The following HS6ST3 variants were observed in gnomAD, a reference collection of about 807,000 sequenced individuals.
The protein encoded by HS6ST3 is heparan sulfate 6-O-sulfotransferase 3.
HS6ST3 carries 12 observed loss-of-function variants against 36.7 expected under a neutral mutation model. That is an observed-to-expected ratio of 0.33 (90% CI 0.21 to 0.53). HS6ST3 has a LOEUF of 0.53. Among genes scored for constraint, HS6ST3 ranks in the 20% least tolerant of loss-of-function variants. HS6ST3 has a pLI of 0.95. For synonymous variants in HS6ST3, 240 were observed against 257.5 expected (o/e 0.93, Z 0.65); for missense variants, 584 against 640.9 (o/e 0.91, Z 0.96).
intron 1 of HS6ST3, among the ~76,000 whole-genome samples, chr13:96,709,272 A>G (rs960164943): frequency 6.6e-6 from 1 of 152,180 alleles, no homozygotes; most frequent in African/African-American, 2.4e-5. Context: ...CTGTGAGTCA[A>G]TTACACCTCT....
chr13:96,832,516 G>A lies in HS6ST3; in HGVS notation c.734G>A (p.Arg245Gln). The A allele has an allele frequency of 5.0e-6, 8 of 1,586,964 alleles. No individual in the cohort carries two copies. Among genetic ancestry groups the A allele is most frequent in the Non-Finnish European group, 6.8e-6 (8 of 1,168,056 alleles). The change falls in exon 2 of 2, where the codon CGG becomes CAG. Residue 245 changes from arginine (R) to glutamine (Q), a missense_variant. By Grantham distance (43) the Arg-to-Gln change is conservative (BLOSUM62 1). This residue lies in a region of HS6ST3 where 360 missense variants were observed against 411.3 expected (regional missense o/e 0.88). Coordinates refer to ENST00000376705, the MANE Select transcript of HS6ST3 (RefSeq NM_153456.4). ...TRNFYYITML[R>Q]DPVSRYLSEW... is the part of the protein sequence containing the mutation. ...AATTTCTATTACATCACAATGTTAC[G>A]GGATCCAGTGTCACGTTACCTGAGC...
At chr13:96,493,676 G>A (rs2055958126) in intron 1 of HS6ST3, among the ~76,000 whole-genome samples, 2 of 152,116 alleles carry the variant, frequency 1.3e-5, no homozygotes, top group East Asian at 1.9e-4. Context: ...AATATTAAAT[G>A]TGTTGTAGTA....
intron 1 of HS6ST3, among the ~76,000 whole-genome samples, chr13:96,174,240 T>G (rs1438362173): frequency 1.3e-5 from 2 of 152,140 alleles, no homozygotes; most frequent in African/African-American, 4.8e-5. Context: ...AGGCAATCAC[T>G]TCCAGATTTT....
chr13:96,251,364 T>C (rs1047912011), intron 1 of HS6ST3, among the ~76,000 whole-genome samples: 18 of 152,166 alleles, frequency 1.2e-4, no homozygotes, highest in Non-Finnish European at 2.2e-4. Flanking sequence ...GGTTATCCAA[T>C]TTGTATATGT....
intron 1 of HS6ST3, among the ~76,000 whole-genome samples, chr13:96,650,142 A>G (rs2056602546): frequency 6.6e-6 from 1 of 151,918 alleles, no homozygotes; most frequent in Non-Finnish European, 1.5e-5. Flanking sequence ...CTGATCCCCC[A>G]TACCCTGCTC....
chr13:96,592,575 C>T (rs1056248285), intron 1 of HS6ST3, among the ~76,000 whole-genome samples: 1 of 152,106 alleles, frequency 6.6e-6, no homozygotes, highest in African/African-American at 2.4e-5. Context: ...TAAAATACTC[C>T]CTTTAGCATT....
intron 1 of HS6ST3, among the ~76,000 whole-genome samples, chr13:96,539,765 G>A (rs2056170627): frequency 6.6e-6 from 1 of 152,166 alleles, no homozygotes; most frequent in Non-Finnish European, 1.5e-5. Flanking sequence ...TTATTAATAG[G>A]TATTTAGTTC....
chr13:96,211,021 C>G (rs1429300813), intron 1 of HS6ST3, among the ~76,000 whole-genome samples: 1 of 151,926 alleles, frequency 6.6e-6, no homozygotes, highest in Non-Finnish European at 1.5e-5. Flanking sequence ...ACCTCCACTT[C>G]CTGGGTTCAA....
chr13:96,613,654 G>A (rs2056463663), intron 1 of HS6ST3, among the ~76,000 whole-genome samples: 1 of 152,124 alleles, frequency 6.6e-6, no homozygotes, highest in South Asian at 2.1e-4. Context: ...TATCATTTAA[G>A]TTTTTTTAAG....
intron 1 of HS6ST3, among the ~76,000 whole-genome samples, chr13:96,829,192 A>G (rs1878715012): frequency 6.6e-6 from 1 of 152,116 alleles, no homozygotes; most frequent in Admixed American, 6.6e-5. Context: ...TGTGGTGGCA[A>G]AGCAGTTCTC....
At chr13:96,560,751 C>G (rs2138955033) in intron 1 of HS6ST3, among the ~76,000 whole-genome samples, 1 of 152,080 alleles carries the variant, frequency 6.6e-6, no homozygotes, top group South Asian at 2.1e-4. Context: ...AGCTAAGAGC[C>G]AAATCAAGAA....
intron 1 of HS6ST3, among the ~76,000 whole-genome samples, chr13:96,268,465 C>G (rs1264956435): frequency 6.6e-6 from 1 of 151,846 alleles, no homozygotes; most frequent in Non-Finnish European, 1.5e-5. Flanking sequence ...TAATCAACCC[C>G]CATCAATTAC....
At chr13:96,467,142 C>T (rs1211068237) in intron 1 of HS6ST3, among the ~76,000 whole-genome samples, 1 of 152,140 alleles carries the variant, frequency 6.6e-6, no homozygotes, top group African/African-American at 2.4e-5. Flanking sequence ...TGCTTGAGTT[C>T]ACCATATCAT....
intron 1 of HS6ST3, among the ~76,000 whole-genome samples, chr13:96,517,310 G>T (rs543940538): frequency 7.9e-5 from 12 of 152,164 alleles, no homozygotes; most frequent in Non-Finnish European, 1.3e-4. Context: ...GATCTGGAAG[G>T]TTGAGGCTGC....
chr13:96,108,248 C>T (rs2139298593), intron 1 of HS6ST3, among the ~76,000 whole-genome samples: 1 of 152,262 alleles, frequency 6.6e-6, no homozygotes, highest in South Asian at 2.1e-4. Flanking sequence ...AGGGATGAAA[C>T]ACACCCTAGT....
rs547814482 is a variant in HS6ST3 at position 96,585,628 on chromosome 13, C to A, written c.708-246862C>A. ...TCCTCCTTCCCTAACCTCCCCAGCC[C>A]CTGGTAAACACCATTCCCTGCTCTC... On this transcript the variant is annotated intron_variant, in intron 1 of 1. Transcript: ENST00000376705. Among the ~76,000 whole-genome samples, 4 of 152,274 alleles carry A rather than the reference C, an allele frequency of 2.6e-5. No homozygotes were observed. The South Asian group carries it at 8.3e-4, about 32-fold the overall frequency.
At chr13:96,631,633 C>A (rs530161908) in intron 1 of HS6ST3, among the ~76,000 whole-genome samples, 1 of 152,300 alleles carries the variant, frequency 6.6e-6, no homozygotes, top group South Asian at 2.1e-4. Context: ...ACTGATATCC[C>A]AGACATGTTG....
intron 1 of HS6ST3, among the ~76,000 whole-genome samples, chr13:96,774,764 T>C (rs1877347416): frequency 6.6e-6 from 1 of 152,128 alleles, no homozygotes; most frequent in South Asian, 2.1e-4. Flanking sequence ...CTCTTCAGGA[T>C]ATTATCCAGG....
chr13:96,167,393 T>A (rs543791330), intron 1 of HS6ST3, among the ~76,000 whole-genome samples: 1 of 152,316 alleles, frequency 6.6e-6, no homozygotes, highest in East Asian at 1.9e-4. Context: ...ATTCCAGTGT[T>A]TGTTCAGGAG....
Sources: allele counts gnomAD v4.1 joint callset (sites outside exome capture counted in the v4.1 genomes callset), GRCh38; gene constraint gnomAD v4.1.1; regional missense constraint gnomAD v4.1.1; transcripts MANE v1.5; gene names NCBI Gene and HGNC (gene_info 2026-07-23, HGNC 2026-07-21).